The following ACOXL variants were observed in gnomAD, a reference collection of about 807,000 sequenced individuals.
The protein encoded by ACOXL is acyl-coenzyme A oxidase-like protein.
In ACOXL, 70 loss-of-function variants were observed where a neutral mutation model predicts 71.9. That is an observed-to-expected ratio of 0.97 (90% confidence interval 0.80 to 1.19). The LOEUF (loss-of-function observed/expected upper bound fraction) is 1.19. Ranked by LOEUF, ACOXL falls within the 50% of genes most tolerant of loss-of-function variation. ACOXL has a pLI of 0.00. For synonymous variants in ACOXL, 253 were observed against 281.6 expected, an observed-to-expected ratio of 0.90 and a Z score of 1.02; for missense variants, 703 against 736.3, an observed-to-expected ratio of 0.95 and a Z score of 0.52.
At chr2:110,793,503 A>G in intron 3 of ACOXL, 147 bp from the exon 4 acceptor site, 1 of 697,718 alleles carries the variant, frequency 1.4e-6, no homozygotes, top group Non-Finnish European at 2.6e-6. Flanking sequence ...AGTGAAGAGG[A>G]AGGGCAAAGA....
At chr2:110,962,501 G>T (rs1558793682) in intron 12 of ACOXL, among the ~76,000 whole-genome samples, 1 of 152,224 alleles carries the variant, frequency 6.6e-6, no homozygotes, top group African/African-American at 2.4e-5. Flanking sequence ...CGCCCAGTCA[G>T]CATTGATGGA....
chr2:110,763,075 T>C (rs946325959), intron 1 of ACOXL, among the ~76,000 whole-genome samples: 4 of 152,204 alleles, frequency 2.6e-5, no homozygotes, highest in Non-Finnish European at 5.9e-5. Flanking sequence ...ATCCACTAAA[T>C]AAATGGTGGG....
rs567780668 is a variant in ACOXL, at chr2:110,967,794, G to A, written c.1060-19314G>A. The A allele has an allele frequency of 2.5e-4, 181 of 729,360 alleles. 2 individuals carry two copies. In the South Asian group the frequency reaches 2.8e-3, roughly 11 times the overall value. 45.2% of individuals were successfully genotyped at this position (729,360 alleles called of 1,614,324 possible). A position where few individuals can be genotyped will look rare whatever the true frequency, so the allele number is the denominator to read the frequency against. On this transcript the variant is annotated intron_variant, in intron 12 of 17. Transcript: ENST00000439055. ...AAAACAGGCACTGCTGGGCCTGCAG[G>A]TCTCTGTTGAGCCACGGATGTGGGT...
chr2:111,115,230 A>G (rs1446862755), intron 17 of ACOXL, among the ~76,000 whole-genome samples: 3 of 152,158 alleles, frequency 2.0e-5, no homozygotes, highest in Non-Finnish European at 4.4e-5. Flanking sequence ...ACTATGTGCA[A>G]TTTTTATGCT....
intron 10 of ACOXL, among the ~76,000 whole-genome samples, chr2:110,900,476 T>G (rs2059191870): frequency 6.6e-6 from 1 of 152,138 alleles, no homozygotes; most frequent in African/African-American, 2.4e-5. Context: ...TCAGCCCCAG[T>G]TAATGGTTGA....
chr2:110,737,996 T>C (rs2104667837), intron 1 of ACOXL, among the ~76,000 whole-genome samples: 1 of 152,348 alleles, frequency 6.6e-6, no homozygotes. Flanking sequence ...CAACAGAAGA[T>C]AGCTGAGATG....
Position 110,810,561 on chromosome 2 carries a change from T to G in ACOXL, c.753+5166T>G, listed in dbSNP as rs144212888. Among the ~76,000 whole-genome samples, 61 of 151,948 alleles carry G rather than the reference T, an allele frequency of 4.0e-4. 1 individual carries two copies. Among genetic ancestry groups the G allele is most frequent in the Admixed American group, 6.6e-4 (10 of 15,178 alleles). On this transcript the variant is annotated intron_variant, in intron 9 of 17. Transcript: ENST00000439055. ...CCATCATCCATTCATCATTCATCCA[T>G]CATCTGTTCATCCATCCATCATTCA...
intron 1 of ACOXL, among the ~76,000 whole-genome samples, chr2:110,744,469 G>C (rs1409318895): frequency 6.6e-6 from 1 of 152,190 alleles, no homozygotes. Flanking sequence ...AGGAATTTGA[G>C]GTGAAGAAAA....
intron 17 of ACOXL, among the ~76,000 whole-genome samples, chr2:111,107,323 G>A (rs2069614065): frequency 6.6e-6 from 1 of 152,172 alleles, no homozygotes; most frequent in Admixed American, 6.5e-5. Flanking sequence ...TAGATAGCCT[G>A]ATTTCTCTTC....
intron 10 of ACOXL, among the ~76,000 whole-genome samples, chr2:110,872,890 A>C (rs975429059): frequency 1.3e-5 from 2 of 152,202 alleles, no homozygotes; most frequent in African/African-American, 4.8e-5. Context: ...CTCCAGTGAA[A>C]TGTCTCCAAG....
chr2:110,968,208 G>A (rs1278469698), intron 12 of ACOXL: 4 of 1,072,648 alleles, frequency 3.7e-6, no homozygotes, highest in African/African-American at 1.6e-5. Context: ...AAGTGTAGGT[G>A]ACTGGCAATG....
At chr2:110,855,808 A>G (rs186160096) in intron 10 of ACOXL, among the ~76,000 whole-genome samples, 190 of 152,340 alleles carry the variant, frequency 1.2e-3, no homozygotes, top group Non-Finnish European at 2.0e-3. Context: ...TGAGTGTTAC[A>G]GCTCTTAAAG....
At chr2:111,083,287 A>G (rs2149984468) in intron 16 of ACOXL, among the ~76,000 whole-genome samples, 1 of 152,246 alleles carries the variant, frequency 6.6e-6, no homozygotes, top group Non-Finnish European at 1.5e-5. Context: ...GGTCCCCAAG[A>G]CTATCCTCAG....
intron 4 of ACOXL, 97 bp downstream of exon 4, chr2:110,793,833 A>G: frequency 1.8e-6 from 2 of 1,106,168 alleles, no homozygotes; most frequent in Non-Finnish European, 2.7e-6. Flanking sequence ...GAAAAATAAA[A>G]TAAAACAGAA....
intron 1 of ACOXL, among the ~76,000 whole-genome samples, chr2:110,766,064 G>A (rs73956437): frequency 0.014 from 2,151 of 152,120 alleles, 59 homozygotes; most frequent in African/African-American, 0.046. Context: ...GAGAAATTAT[G>A]ATTACTTATT....
At chr2:110,962,556 A>T (rs1373659215) in intron 12 of ACOXL, among the ~76,000 whole-genome samples, 7 of 152,224 alleles carry the variant, frequency 4.6e-5, no homozygotes, top group Admixed American at 3.9e-4. Context: ...TTCTCCCCAC[A>T]GGAGCAGGAC....
At chr2:110,984,327 TA>T (rs745648355) in intron 12 of ACOXL, among the ~76,000 whole-genome samples, 14 of 152,102 alleles carry the variant, frequency 9.2e-5, no homozygotes, top group Non-Finnish European at 2.1e-4. Context: ...CTCTATGAGG[TA>T]AAACAAGCAC....
chr2:110,943,148 AAG>A (rs201187248), intron 12 of ACOXL, among the ~76,000 whole-genome samples: 1,892 of 122,078 alleles, frequency 0.015, 24 homozygotes, highest in Non-Finnish European at 0.024. Flanking sequence ...AGAAGGAAGA[AAG>A]AGAAAGAAAA....
intron 9 of ACOXL, among the ~76,000 whole-genome samples, chr2:110,815,773 G>A (rs1687838817): frequency 6.6e-6 from 1 of 152,170 alleles, no homozygotes; most frequent in South Asian, 2.1e-4. Flanking sequence ...CCCTGAGTGG[G>A]GTGCCCAAGG....
Sources: allele counts gnomAD v4.1 joint callset (sites outside exome capture counted in the v4.1 genomes callset), GRCh38; gene constraint gnomAD v4.1.1; transcripts MANE v1.5; gene names NCBI Gene and HGNC (gene_info 2026-07-23, HGNC 2026-07-21).